The following SYT16 variants were observed in gnomAD, a reference collection of about 807,000 sequenced individuals.
SYT16 encodes synaptotagmin-16.
SYT16 carries 42 observed loss-of-function variants against 61.4 expected under a neutral mutation model. The ratio of observed to expected loss-of-function variants is 0.68; its 90% CI spans 0.53 to 0.89. The LOEUF (loss-of-function observed/expected upper bound fraction) is 0.89, where lower values mean the gene tolerates loss of function less well. Ranked by LOEUF, SYT16 falls within the 40% of genes least tolerant of loss-of-function variation. The probability of loss-of-function intolerance (pLI) is 0.00; values close to 1 mark genes in which losing one functional copy is unlikely to be tolerated. For missense variants in SYT16, 804 were observed against 807.3 expected, an observed-to-expected ratio of 1.00 and a Z score of 0.05; for synonymous variants, 314 against 302.3, an observed-to-expected ratio of 1.04 and a Z score of -0.40.
chr14:61,954,503 T>C (rs2050795355), intron 1 of SYT16, among the ~76,000 whole-genome samples: 1 of 152,184 alleles, frequency 6.6e-6, no homozygotes. Flanking sequence ...AGGAAGTTTT[T>C]AGCATGAACT....
intron 1 of SYT16, among the ~76,000 whole-genome samples, chr14:61,859,438 C>T (rs2046897777): frequency 6.6e-6 from 1 of 151,980 alleles, no homozygotes; most frequent in Non-Finnish European, 1.5e-5. Context: ...TGAGCCCTAC[C>T]TACCTAAATC....
chr14:62,078,172 A>AACACACACACACACACAC (rs144022896), intron 5 of SYT16, among the ~76,000 whole-genome samples: 8,465 of 128,362 alleles, frequency 0.066, 335 homozygotes, highest in Middle Eastern at 0.12. Flanking sequence ...TATATATATA[A>AACACACACACACACACAC]ACACACACAC....
chr14:61,932,902 A>G (rs2049833764), intron 1 of SYT16, among the ~76,000 whole-genome samples: 1 of 152,222 alleles, frequency 6.6e-6, no homozygotes, highest in Non-Finnish European at 1.5e-5. Flanking sequence ...AATTAAGAGT[A>G]AAAATCAACT....
intron 1 of SYT16, among the ~76,000 whole-genome samples, chr14:61,883,531 T>A (rs1194605025): frequency 2.2e-4 from 33 of 152,198 alleles, no homozygotes; most frequent in Admixed American, 2.2e-3. Flanking sequence ...TCATTGTCCA[T>A]ATCACTATCA....
intron 7 of SYT16, among the ~76,000 whole-genome samples, chr14:62,099,497 C>T (rs1414906957): frequency 6.6e-6 from 1 of 152,150 alleles, no homozygotes; most frequent in African/African-American, 2.4e-5. Context: ...ATAGGGAACA[C>T]TGGAACAGCA....
At chr14:62,088,503 ATTC>A (rs767217521) in intron 7 of SYT16, among the ~76,000 whole-genome samples, 1 of 152,210 alleles carries the variant, frequency 6.6e-6, no homozygotes, top group Non-Finnish European at 1.5e-5. Flanking sequence ...GTATTTTGTT[ATTC>A]TTTAAAATTT....
At chr14:62,029,840 C>T (rs1312172945) in intron 3 of SYT16, among the ~76,000 whole-genome samples, 12 of 151,550 alleles carry the variant, frequency 7.9e-5, no homozygotes. Context: ...CATTGCCTTT[C>T]TCTGTGTGTA....
intron 1 of SYT16, among the ~76,000 whole-genome samples, chr14:61,961,608 A>C (rs190684014): frequency 1.6e-4 from 24 of 152,320 alleles, no homozygotes; most frequent in South Asian, 6.2e-4. Flanking sequence ...TTAAAAAGTC[A>C]AAAAATAACA....
intron 1 of SYT16, among the ~76,000 whole-genome samples, chr14:61,967,502 C>T (rs868092942): frequency 1.8e-4 from 28 of 152,246 alleles, no homozygotes; most frequent in Middle Eastern, 6.8e-3. Flanking sequence ...GAATCTGTTC[C>T]GTGCCTGTCT....
rs71117856 is a variant in SYT16, at chr14:61,820,469, G to GTTTTTTTTTT, written c.-325+7680_-325+7689dup. 1.8e-4 allele frequency among the ~76,000 whole-genome samples: 11 copies of GTTTTTTTTTT among 61,090 alleles called. 1 individual carries two copies. The highest frequency in any genetic ancestry group is 5.5e-4 in the African/African-American group (8 of 14,434). 40.1% of individuals were successfully genotyped at this position (61,090 alleles called of 152,430 possible). A position where few individuals can be genotyped will look rare whatever the true frequency, so the allele number is the denominator to read the frequency against. On this transcript the variant is annotated intron_variant, in intron 1 of 7. Transcript: ENST00000683842. ...ATATGCTTCAGGGCACCTCTTCAGA[G>GTTTTTTTTTT]TTTTTTTTTTTTTTTTTTTTTTTTT...
intron 7 of SYT16, among the ~76,000 whole-genome samples, chr14:62,090,930 A>T (rs911687720): frequency 6.6e-6 from 1 of 152,198 alleles, no homozygotes; most frequent in Admixed American, 6.5e-5. Flanking sequence ...TAAAACCATC[A>T]GATCTCATGA....
intron 1 of SYT16, among the ~76,000 whole-genome samples, chr14:61,861,668 G>A (rs190303441): frequency 1.6e-4 from 24 of 152,288 alleles, no homozygotes; most frequent in Admixed American, 1.4e-3. Flanking sequence ...GCCTCCCAAC[G>A]TGCTGGGATT....
Position 62,081,401 on chromosome 14 carries a change from T to C in SYT16, c.1434+127T>C, listed in dbSNP as rs536129064. On this transcript the variant is annotated intron_variant, in intron 6 of 7. Transcript: ENST00000683842. ...AATTTAATTTTCCATTTGGCTCTCC[T>C]CACCCTTGTAAGCCATGATTTGCAC... The C allele has an allele frequency of 2.6e-5, 27 of 1,056,668 alleles. No homozygotes were observed. In the African/African-American group the frequency reaches 4.3e-4, roughly 17 times the overall value. 65.5% of individuals were successfully genotyped at this position (1,056,668 alleles called of 1,614,324 possible).
intron 2 of SYT16, among the ~76,000 whole-genome samples, chr14:61,972,549 A>G (rs527630160): frequency 1.3e-5 from 2 of 152,200 alleles, no homozygotes; most frequent in Non-Finnish European, 2.9e-5. Flanking sequence ...TATAATGTCT[A>G]AAAAGCAAAC....
At chr14:61,877,368 T>G (rs758891340) in intron 1 of SYT16, among the ~76,000 whole-genome samples, 9 of 152,174 alleles carry the variant, frequency 5.9e-5, no homozygotes, top group Admixed American at 1.3e-4. Flanking sequence ...ACACAGATCT[T>G]TTGTGAAGTA....
Position 62,109,112 on chromosome 14 carries a change from C to G in SYT16, c.*8405C>G, listed in dbSNP as rs757715496. ...ATGGGTTTTGACCAATGCACAATGA[C>G]GTGTGTCCACTATTGTAGTATCATA... is the stretch of plus-strand genomic sequence containing the variant. On this transcript the variant is annotated 3_prime_UTR_variant, in exon 8 of 8. Transcript: ENST00000683842. The G allele has an allele frequency of 6.6e-6, 1 of 152,090 alleles. No individual in the cohort carries two copies. The highest frequency in any genetic ancestry group is 2.4e-5 in the African/African-American group (1 of 41,436). 9.4% of individuals were successfully genotyped at this position (152,090 alleles called of 1,614,324 possible).
At chr14:61,847,599 CT>C (rs1403292981) in intron 1 of SYT16, among the ~76,000 whole-genome samples, 3 of 152,098 alleles carry the variant, frequency 2.0e-5, no homozygotes, top group African/African-American at 7.2e-5. Context: ...TCATATCTTT[CT>C]CTAGGTTTGG....
intron 3 of SYT16, among the ~76,000 whole-genome samples, chr14:62,039,974 C>G (rs753883222): frequency 6.6e-6 from 1 of 151,670 alleles, no homozygotes; most frequent in Non-Finnish European, 1.5e-5. Context: ...ATGATTTGCT[C>G]CAGTTCACGG....
chr14:61,958,792 C>G (rs1319802253), intron 1 of SYT16, among the ~76,000 whole-genome samples: 1 of 152,004 alleles, frequency 6.6e-6, no homozygotes, highest in African/African-American at 2.4e-5. Flanking sequence ...TTATTTAGTT[C>G]TGCTGTTTAT....
Sources: gnomAD v4.1 joint callset for allele counts (sites outside exome capture counted in the v4.1 genomes callset) on GRCh38, gnomAD v4.1.1 for gene constraint, MANE v1.5 for transcripts, NCBI Gene and HGNC (gene_info 2026-07-23, HGNC 2026-07-21) for gene names.